The following KIAA1328 variants were observed in gnomAD, a reference collection of about 807,000 sequenced individuals.
The protein encoded by KIAA1328 is KIAA1328.
A neutral mutation model predicts 68.1 loss-of-function variants in KIAA1328; 52 were observed. The ratio of observed to expected loss-of-function variants is 0.76; its 90% CI spans 0.61 to 0.96. KIAA1328 has a LOEUF of 0.96. KIAA1328 is among the 40% of genes least tolerant of loss of function. KIAA1328 has a pLI of 0.00. For synonymous variants in KIAA1328, 232 were observed against 239.4 expected, an observed-to-expected ratio of 0.97 and a Z score of 0.28; for missense variants, 641 against 677.6, an observed-to-expected ratio of 0.95 and a Z score of 0.60.
chr18:37,122,127 C>T (rs1207731856), intron 7 of KIAA1328, among the ~76,000 whole-genome samples: 1 of 151,994 alleles, frequency 6.6e-6, no homozygotes, highest in African/African-American at 2.4e-5. Context: ...AAAGAGGAGT[C>T]TGCAATGGAG....
At chr18:36,914,382 A>G (rs983119013) in intron 5 of KIAA1328, among the ~76,000 whole-genome samples, 4 of 152,202 alleles carry the variant, frequency 2.6e-5, no homozygotes, top group Non-Finnish European at 5.9e-5. Flanking sequence ...AATTTTATAA[A>G]ACAAAAATAA....
chr18:36,992,906 C>T (rs1418332107), intron 6 of KIAA1328, among the ~76,000 whole-genome samples: 1 of 152,082 alleles, frequency 6.6e-6, no homozygotes, highest in Non-Finnish European at 1.5e-5. Context: ...GAACTTGAGA[C>T]TAGCCTGGGC....
intron 9 of KIAA1328, among the ~76,000 whole-genome samples, chr18:37,217,528 G>A (rs980683587): frequency 1.4e-4 from 21 of 152,238 alleles, no homozygotes; most frequent in Admixed American, 2.0e-4. Flanking sequence ...AGTTTCTGCC[G>A]AGAGATCAGC....
intron 5 of KIAA1328, among the ~76,000 whole-genome samples, chr18:36,926,661 A>G (rs1053083879): frequency 6.6e-6 from 1 of 152,166 alleles, no homozygotes; most frequent in Non-Finnish European, 1.5e-5. Context: ...AAAGGCAGAG[A>G]ATGTTCATAT....
intron 5 of KIAA1328, among the ~76,000 whole-genome samples, chr18:36,959,079 A>C (rs1267859211): frequency 6.6e-6 from 1 of 152,008 alleles, no homozygotes; most frequent in Non-Finnish European, 1.5e-5. Context: ...TCGAGGAATA[A>C]ATTTATTTTC....
chr18:36,970,624 G>C (rs2052158440), intron 6 of KIAA1328, among the ~76,000 whole-genome samples: 1 of 152,112 alleles, frequency 6.6e-6, no homozygotes, highest in Non-Finnish European at 1.5e-5. Context: ...TACAAAATCA[G>C]TGTGCAAAAT....
chr18:36,834,602 G>A (rs1056346660), intron 2 of KIAA1328, among the ~76,000 whole-genome samples: 1 of 151,996 alleles, frequency 6.6e-6, no homozygotes, highest in Non-Finnish European at 1.5e-5. Flanking sequence ...TGTGGCAAGG[G>A]GCAAAAGATT....
At chr18:37,153,391 G>T (rs2059080235) in intron 7 of KIAA1328, among the ~76,000 whole-genome samples, 1 of 152,078 alleles carries the variant, frequency 6.6e-6, no homozygotes, top group Non-Finnish European at 1.5e-5. Flanking sequence ...TACAGAAAAT[G>T]GCAGCCAGTT....
chr18:37,121,415 CTTCT>C (rs2058265409), intron 7 of KIAA1328, among the ~76,000 whole-genome samples: 2 of 126,180 alleles, frequency 1.6e-5, no homozygotes, highest in Non-Finnish European at 3.4e-5. Context: ...CATTTTAGGA[CTTCT>C]ATCTATCTAT....
chr18:37,011,206 A>C (rs1260094239), intron 6 of KIAA1328, among the ~76,000 whole-genome samples: 2 of 152,198 alleles, frequency 1.3e-5, no homozygotes, highest in Non-Finnish European at 2.9e-5. Flanking sequence ...CTAATTAAGG[A>C]AACAGTGCAT....
intron 3 of KIAA1328, among the ~76,000 whole-genome samples, chr18:36,841,314 G>A (rs1048802027): frequency 5.9e-5 from 9 of 151,738 alleles, no homozygotes; most frequent in Non-Finnish European, 8.8e-5. Flanking sequence ...CACATGTAGT[G>A]TAAAGTAAGA....
At chr18:36,839,831 C>T (rs2046799834) in intron 3 of KIAA1328, among the ~76,000 whole-genome samples, 1 of 152,168 alleles carries the variant, frequency 6.6e-6, no homozygotes, top group Non-Finnish European at 1.5e-5. Context: ...AGGTTTTCCC[C>T]TCTGGCTGGT....
chr18:36,972,057 C>T (rs1301979568), intron 6 of KIAA1328, among the ~76,000 whole-genome samples: 1 of 151,996 alleles, frequency 6.6e-6, no homozygotes, highest in Non-Finnish European at 1.5e-5. Flanking sequence ...TACAGTACTG[C>T]CATAAGAATG....
intron 6 of KIAA1328, among the ~76,000 whole-genome samples, chr18:37,022,721 C>T (rs1026073745): frequency 4.6e-5 from 7 of 152,286 alleles, no homozygotes; most frequent in Middle Eastern, 3.4e-3. Context: ...CCCATAGCTT[C>T]TGCAATTTCT....
chr18:36,959,589 C>G (rs942135690), intron 6 of KIAA1328, among the ~76,000 whole-genome samples, 154 bp downstream of exon 6: 2 of 152,148 alleles, frequency 1.3e-5, no homozygotes, highest in African/African-American at 4.8e-5. Context: ...TTTCCCTCCC[C>G]CTTTCCTTTC....
chr18:37,118,610 A>G (rs2058186052), intron 7 of KIAA1328, among the ~76,000 whole-genome samples: 1 of 152,158 alleles, frequency 6.6e-6, no homozygotes, highest in African/African-American at 2.4e-5. Flanking sequence ...TTTGCCTCTT[A>G]ATTCAGAGAC....
chr18:37,183,717 C>T (rs1263905771), intron 9 of KIAA1328, among the ~76,000 whole-genome samples: 2 of 152,314 alleles, frequency 1.3e-5, no homozygotes, highest in African/African-American at 2.4e-5. Flanking sequence ...GGATTAATTA[C>T]TAAGACATAT....
chr18:37,095,318 A>G (rs1421641245), intron 7 of KIAA1328, among the ~76,000 whole-genome samples: 1 of 152,234 alleles, frequency 6.6e-6, no homozygotes, highest in African/African-American at 2.4e-5. Context: ...TCCAGGATAG[A>G]CCATATAGTA....
At chr18:37,027,537 A>G (rs997830814) in intron 6 of KIAA1328, among the ~76,000 whole-genome samples, 8 of 152,248 alleles carry the variant, frequency 5.3e-5, no homozygotes, top group Non-Finnish European at 1.2e-4. Flanking sequence ...CCAATGCAAC[A>G]GAACAGAACC....
Sources: allele counts gnomAD v4.1 joint callset (sites outside exome capture counted in the v4.1 genomes callset), GRCh38; gene constraint gnomAD v4.1.1; transcripts MANE v1.5; gene names NCBI Gene and HGNC (gene_info 2026-07-23, HGNC 2026-07-21).